Variants in TUSC3 observed in about 807,000 individuals in gnomAD.
TUSC3 encodes tumor suppressor candidate 3.
Under a neutral mutation model 44.8 loss-of-function variants are expected in TUSC3, and 45 were observed. The observed-to-expected ratio is 1.00, with a 90% CI of 0.79 to 1.29. TUSC3 has a LOEUF of 1.29. Among genes scored for constraint, TUSC3 ranks in the 50% most tolerant of loss-of-function variants. The pLI is 0.00. For synonymous variants in TUSC3, 212 were observed against 152.9 expected, an observed-to-expected ratio of 1.39 and a Z score of -2.85; for missense variants, 519 against 437.9, an observed-to-expected ratio of 1.19 and a Z score of -1.65.
chr8:15,791,953 C>T, the TUSC3 span, among the ~76,000 whole-genome samples: 1 of 152,094 alleles, frequency 6.6e-6, no homozygotes, highest in Non-Finnish European at 1.5e-5. Flanking sequence ...AATTACTGAA[C>T]TGTTTCTTAG....
At chr8:15,580,650 C>G (rs1803287003) in intron 1 of TUSC3, among the ~76,000 whole-genome samples, 1 of 100,712 alleles carries the variant, frequency 9.9e-6, no homozygotes, top group African/African-American at 4.0e-5. Context: ...TTGGCCCCCA[C>G]TCTCTTCTGG....
rs563498981 is a variant in TUSC3, at chr8:15,636,647, A to ATAC, written c.308+13399_308+13401dup. Among the ~76,000 whole-genome samples the ATAC allele has an allele frequency of 1.1e-3, 165 of 152,312 alleles. 1 individual carries two copies. Among genetic ancestry groups the ATAC allele is most frequent in the South Asian group, 6.8e-3 (33 of 4,828 alleles). ...TCATTAGGTTTGTGTGTCCCCAAAG[A>ATAC]TACGGGGTGTGGTTTGCTGAACATT... On this transcript the variant is annotated intron_variant, in intron 2 of 10. Transcript: ENST00000503731.
chr8:15,618,727 T>G (rs1446382425), intron 1 of TUSC3, among the ~76,000 whole-genome samples: 1 of 152,224 alleles, frequency 6.6e-6, no homozygotes, highest in Non-Finnish European at 1.5e-5. Flanking sequence ...TGTTTATCGT[T>G]ATCAAGTATT....
At chr8:15,717,726 A>G (rs1460151763) in intron 6 of TUSC3, among the ~76,000 whole-genome samples, 5 of 152,084 alleles carry the variant, frequency 3.3e-5, no homozygotes, top group African/African-American at 1.2e-4. Context: ...CCAAAATTCT[A>G]TTCTTCATTT....
intron 2 of TUSC3, among the ~76,000 whole-genome samples, chr8:15,642,584 C>A (rs1432425765): frequency 6.6e-6 from 1 of 152,066 alleles, no homozygotes; most frequent in Non-Finnish European, 1.5e-5. Flanking sequence ...TGCGTATATT[C>A]TGTTCTTTAC....
intron 1 of TUSC3, among the ~76,000 whole-genome samples, chr8:15,542,975 G>A (rs1264213946): frequency 1.3e-5 from 2 of 152,168 alleles, no homozygotes; most frequent in Non-Finnish European, 2.9e-5. Context: ...CAATAAGCAT[G>A]CGTATCTCTG....
At chr8:15,825,191 G>C in the TUSC3 span, among the ~76,000 whole-genome samples, 1 of 152,094 alleles carries the variant, frequency 6.6e-6, no homozygotes, top group East Asian at 1.9e-4. Flanking sequence ...CATTTATTAA[G>C]TACCTACTAT....
the TUSC3 span, among the ~76,000 whole-genome samples, chr8:15,826,641 T>C: frequency 6.6e-6 from 1 of 152,082 alleles, no homozygotes; most frequent in Non-Finnish European, 1.5e-5. Context: ...ATAACCCAAA[T>C]GAGAAGAAGC....
At chr8:15,451,625 T>C (rs1800198386) in intron 1 of TUSC3, among the ~76,000 whole-genome samples, 1 of 152,152 alleles carries the variant, frequency 6.6e-6, no homozygotes, top group Non-Finnish European at 1.5e-5. Flanking sequence ...AGTTGTTCCT[T>C]AGTTGTATCC....
chr8:15,687,615 T>C (rs2129188150), intron 6 of TUSC3, among the ~76,000 whole-genome samples: 1 of 152,294 alleles, frequency 6.6e-6, no homozygotes, highest in South Asian at 2.1e-4. Context: ...TCTGACTGAA[T>C]CTTGATTGCC....
downstream of TUSC3, among the ~76,000 whole-genome samples, chr8:15,767,064 T>C (rs1812352726): frequency 6.6e-6 from 1 of 152,090 alleles, no homozygotes; most frequent in South Asian, 2.1e-4. Flanking sequence ...CAGACCAATA[T>C]ATGTAATAAT....
chr8:15,582,030 G>T (rs148185871), intron 1 of TUSC3, among the ~76,000 whole-genome samples: 2 of 152,098 alleles, frequency 1.3e-5, no homozygotes, highest in East Asian at 1.9e-4. Flanking sequence ...TTTTTAAGCC[G>T]GTCTGAAAAG....
chr8:15,744,942 C>T (rs114078911), intron 8 of TUSC3, among the ~76,000 whole-genome samples: 15 of 152,122 alleles, frequency 9.9e-5, no homozygotes, highest in African/African-American at 3.1e-4. Flanking sequence ...TCAACCTACA[C>T]GCTCCTCACT....
At chr8:15,496,381 C>G (rs549459008) in intron 2 of TUSC3, among the ~76,000 whole-genome samples, 2 of 152,274 alleles carry the variant, frequency 1.3e-5, no homozygotes, top group Admixed American at 1.3e-4. Context: ...TGTGCTGTCT[C>G]CTAGGGTCCT....
At chr8:15,473,753 A>C (rs952155683) in intron 1 of TUSC3, among the ~76,000 whole-genome samples, 1 of 152,184 alleles carries the variant, frequency 6.6e-6, no homozygotes, top group Non-Finnish European at 1.5e-5. Flanking sequence ...CAAAGGGCAA[A>C]AAGCAGAACA....
the TUSC3 span, among the ~76,000 whole-genome samples, chr8:15,784,180 TAAAC>T: frequency 6.6e-6 from 1 of 152,108 alleles, no homozygotes; most frequent in Non-Finnish European, 1.5e-5. Context: ...CTATGATTTT[TAAAC>T]AATGAAAAAG....
At chr8:15,745,163 C>G (rs948595438) in intron 8 of TUSC3, among the ~76,000 whole-genome samples, 16 of 152,016 alleles carry the variant, frequency 1.1e-4, no homozygotes, top group African/African-American at 3.6e-4. Flanking sequence ...GCATACATAC[C>G]ACATTTTCTT....
At chr8:15,523,704 G>GTATATATATATATATATA (rs1563273688) in intron 2 of TUSC3, among the ~76,000 whole-genome samples, 14 of 112,574 alleles carry the variant, frequency 1.2e-4, no homozygotes, top group African/African-American at 4.8e-4. Flanking sequence ...GTGTGTGTGT[G>GTATATATATATATATATA]TGTGTATATA....
intron 6 of TUSC3, among the ~76,000 whole-genome samples, chr8:15,696,933 T>C (rs1312974629): frequency 2.0e-5 from 3 of 152,150 alleles, no homozygotes; most frequent in Non-Finnish European, 4.4e-5. Context: ...GGACTTTTTT[T>C]TGTTGGTAAT....
Sources: gnomAD v4.1 joint callset for allele counts (sites outside exome capture counted in the v4.1 genomes callset) on GRCh38, gnomAD v4.1.1 for gene constraint, MANE v1.5 for transcripts, NCBI Gene and HGNC (gene_info 2026-07-23, HGNC 2026-07-21) for gene names.